Variants in CDK14 observed in about 807,000 individuals in gnomAD.
CDK14 encodes the protein cyclin-dependent kinase 14.
CDK14 carries 34 observed loss-of-function variants against 60.7 expected under a neutral mutation model. The observed-to-expected ratio is 0.56, with a 90% CI of 0.43 to 0.75. The LOEUF (loss-of-function observed/expected upper bound fraction) is 0.75. Among genes scored for constraint, CDK14 ranks in the 30% least tolerant of loss-of-function variants. The pLI, the probability that CDK14 is intolerant of heterozygous loss-of-function variation, is 0.00. For missense variants in CDK14, 482 were observed against 564.1 expected (o/e 0.85, Z 1.47); for synonymous variants, 197 against 203.7 (o/e 0.97, Z 0.28).
intron 2 of CDK14, among the ~76,000 whole-genome samples, chr7:90,673,604 A>G (rs1400648761): frequency 1.3e-5 from 2 of 152,202 alleles, no homozygotes; most frequent in African/African-American, 2.4e-5. Context: ...CAGAGACACA[A>G]TAGATGGTGC....
chr7:90,792,047 C>T (rs1276358823), intron 5 of CDK14, among the ~76,000 whole-genome samples: 1 of 151,922 alleles, frequency 6.6e-6, no homozygotes, highest in Non-Finnish European at 1.5e-5. Flanking sequence ...GGATTACAGG[C>T]GTGCGCCACT....
At chr7:90,929,879 A>T (rs1793535903) in intron 8 of CDK14, among the ~76,000 whole-genome samples, 1 of 152,232 alleles carries the variant, frequency 6.6e-6, no homozygotes, top group African/African-American at 2.4e-5. Flanking sequence ...GCTATCATCT[A>T]GAGTGAACAC....
chr7:90,759,352 C>G (rs1441486018), intron 4 of CDK14, among the ~76,000 whole-genome samples: 1 of 152,150 alleles, frequency 6.6e-6, no homozygotes, highest in African/African-American at 2.4e-5. Context: ...ATTTGTTGAA[C>G]TTTGAGGGCC....
At position 90,912,738 on chromosome 7, in the gene CDK14, G is replaced by T. The variant is rs140391264; in HGVS notation, c.703-4863G>T. Among the ~76,000 whole-genome samples the T allele has an allele frequency of 9.9e-3, 1,501 of 152,166 alleles. 24 individuals are homozygous for T. The highest frequency in any genetic ancestry group is 0.033 in the African/African-American group (1,379 of 41,512). On this transcript the variant is annotated intron_variant, in intron 7 of 14. Transcript: ENST00000380050. ...TCTTCCCACCTCAGCCTCCCAAGTAGCTAGGACTGCAGGCACATGCCACCA... is the reference window on the plus strand; with the variant it reads ...TCTTCCCACCTCAGCCTCCCAAGTATCTAGGACTGCAGGCACATGCCACCA...
At chr7:90,984,544 A>G (rs1795323224) in intron 10 of CDK14, among the ~76,000 whole-genome samples, 1 of 152,032 alleles carries the variant, frequency 6.6e-6, no homozygotes, top group South Asian at 2.1e-4. Flanking sequence ...CTATATAGAT[A>G]CTCCCTCCCC....
At chr7:90,846,657 T>C (rs1790479809) in intron 5 of CDK14, among the ~76,000 whole-genome samples, 1 of 152,112 alleles carries the variant, frequency 6.6e-6, no homozygotes, top group Non-Finnish European at 1.5e-5. Flanking sequence ...CCAGAGTAGG[T>C]TAGGACCAGG....
intron 6 of CDK14, among the ~76,000 whole-genome samples, chr7:90,869,771 C>G (rs1010480893): frequency 1.3e-5 from 2 of 152,296 alleles, no homozygotes; most frequent in Admixed American, 1.3e-4. Flanking sequence ...GCAGGAACAG[C>G]ATGAGACTGG....
At chr7:91,002,693 T>C (rs968899682) in intron 10 of CDK14, among the ~76,000 whole-genome samples, 2 of 152,286 alleles carry the variant, frequency 1.3e-5, no homozygotes, top group East Asian at 3.9e-4. Flanking sequence ...AGGAGGCAGA[T>C]AGTCATGACA....
At chr7:90,692,971 T>C (rs1013203785) in intron 2 of CDK14, among the ~76,000 whole-genome samples, 1 of 152,046 alleles carries the variant, frequency 6.6e-6, no homozygotes, top group Non-Finnish European at 1.5e-5. Context: ...AGTAAAGCTT[T>C]TTGCCAGTAG....
intron 5 of CDK14, among the ~76,000 whole-genome samples, chr7:90,797,007 G>A (rs746324197): frequency 6.6e-6 from 1 of 151,774 alleles, no homozygotes; most frequent in Non-Finnish European, 1.5e-5. Context: ...ACTGATTTGT[G>A]TATGTTGATT....
At chr7:91,183,252 G>C (rs1325086129) in intron 14 of CDK14, among the ~76,000 whole-genome samples, 1 of 152,216 alleles carries the variant, frequency 6.6e-6, no homozygotes, top group Non-Finnish European at 1.5e-5. Flanking sequence ...GAGTTTGTGT[G>C]TGTCACAGAC....
At chr7:91,111,402 C>T (rs945682577) in intron 12 of CDK14, among the ~76,000 whole-genome samples, 1 of 152,208 alleles carries the variant, frequency 6.6e-6, no homozygotes, top group Admixed American at 6.5e-5. Context: ...CTGGAAGGTG[C>T]AGCTCTCCCT....
chr7:90,953,539 T>C (rs1056601521), intron 8 of CDK14, among the ~76,000 whole-genome samples: 1 of 152,154 alleles, frequency 6.6e-6, no homozygotes, highest in East Asian at 1.9e-4. Context: ...TGAAATTACA[T>C]GTGGTTATTT....
chr7:91,166,923 T>C (rs1185655444), intron 14 of CDK14, among the ~76,000 whole-genome samples: 1 of 152,164 alleles, frequency 6.6e-6, no homozygotes, highest in Non-Finnish European at 1.5e-5. Context: ...GATAATATTA[T>C]CCAGAAAAGA....
At chr7:90,879,763 A>G (rs1006082493) in intron 6 of CDK14, among the ~76,000 whole-genome samples, 2 of 151,884 alleles carry the variant, frequency 1.3e-5, no homozygotes, top group African/African-American at 2.4e-5. Flanking sequence ...TAAATAAATA[A>G]AAGTCGCTGC....
chr7:91,122,577 T>G (rs1799812804), intron 14 of CDK14, among the ~76,000 whole-genome samples: 1 of 152,144 alleles, frequency 6.6e-6, no homozygotes, highest in African/African-American at 2.4e-5. Context: ...CACCTATTGC[T>G]CTCCTCCATG....
intron 2 of CDK14, among the ~76,000 whole-genome samples, chr7:90,655,143 G>A (rs1473580064): frequency 6.6e-6 from 1 of 152,124 alleles, no homozygotes; most frequent in African/African-American, 2.4e-5. Context: ...GTTCCTCTAT[G>A]TCTTTCCATG....
intron 2 of CDK14, among the ~76,000 whole-genome samples, chr7:90,620,484 C>T (rs1001932791): frequency 6.6e-6 from 1 of 152,144 alleles, no homozygotes; most frequent in Non-Finnish European, 1.5e-5. Context: ...CTGGAATCTC[C>T]TTCACCCATC....
intron 12 of CDK14, among the ~76,000 whole-genome samples, chr7:91,083,710 A>G (rs190111324): frequency 6.6e-6 from 1 of 152,302 alleles, no homozygotes; most frequent in East Asian, 1.9e-4. Flanking sequence ...TCTTGAAAGG[A>G]AAAAGAGGAG....
Sources: allele counts gnomAD v4.1 joint callset (sites outside exome capture counted in the v4.1 genomes callset), GRCh38; gene constraint gnomAD v4.1.1; transcripts MANE v1.5; gene names NCBI Gene and HGNC (gene_info 2026-07-23, HGNC 2026-07-21).